PPP1R12B: variants seen among roughly 807,000 people sequenced by gnomAD.
PPP1R12B encodes the protein myosin phosphatase target subunit 2.
PPP1R12B carries 76 observed loss-of-function variants against 126.1 expected under a neutral mutation model. That is an observed-to-expected ratio of 0.60 (90% CI 0.50 to 0.73). The LOEUF (loss-of-function observed/expected upper bound fraction) is 0.73. Ranked by LOEUF, PPP1R12B falls within the 30% of genes least tolerant of loss-of-function variation. PPP1R12B has a pLI of 0.00. For missense variants in PPP1R12B, 1,052 were observed against 1,205.1 expected (o/e 0.87, Z 1.88); for synonymous variants, 356 against 434.7 (o/e 0.82, Z 2.25).
chr1:202,511,198 AG>A (rs1393670614), intron 18 of PPP1R12B, among the ~76,000 whole-genome samples: 1 of 150,610 alleles, frequency 6.6e-6, no homozygotes, highest in Non-Finnish European at 1.5e-5. Context: ...TCATGCAAGC[AG>A]TGTACACTGT....
At chr1:202,413,115 T>C (rs1247994048) in intron 1 of PPP1R12B, among the ~76,000 whole-genome samples, 2 of 151,774 alleles carry the variant, frequency 1.3e-5, no homozygotes, top group Non-Finnish European at 2.9e-5. Flanking sequence ...GCTATAAAAG[T>C]CAGATTGGCC....
At chr1:202,352,528 C>G (rs535953397) in intron 1 of PPP1R12B, among the ~76,000 whole-genome samples, 3 of 152,062 alleles carry the variant, frequency 2.0e-5, no homozygotes, top group African/African-American at 7.2e-5. Flanking sequence ...TCTCTTAGCA[C>G]GGTCTGATCA....
rs549369852 is a variant in PPP1R12B at position 202,534,479 on chromosome 1, A to G, written c.2491-24398A>G. On this transcript the variant is annotated intron_variant, in intron 18 of 23. Coordinates refer to ENST00000608999, the MANE Select transcript of PPP1R12B (RefSeq NM_002481.4). ...TATGGATGCATTTGCTTACATATAC[A>G]TGTACATTTACATCTTTATTTCTTT... Among the ~76,000 whole-genome samples the G allele has an allele frequency of 2.0e-5, 3 of 152,238 alleles. No homozygotes were observed. The East Asian group carries it at 5.8e-4, about 29-fold the overall frequency.
intron 1 of PPP1R12B, among the ~76,000 whole-genome samples, chr1:202,381,081 A>G (rs1273754546): frequency 6.6e-6 from 1 of 152,214 alleles, no homozygotes; most frequent in African/African-American, 2.4e-5. Flanking sequence ...CATTTCTCAT[A>G]TAAATGTGTC....
rs1357204927 is a variant in PPP1R12B at position 202,442,495 on chromosome 1, A to G, written c.1590A>G (p.Leu530=). ...LVRSGSYTRQ[L]WRDEAKGNEI... ...GGAGTGGCTCCTATACCCGGCAGCT[A>G]TGGAGGGATGAAGCAAAAGGAAATG... The change falls in exon 12 of 24, where the codon CTA becomes CTG. Residue 530 remains leucine (L), a synonymous_variant. Coordinates refer to ENST00000608999, the MANE Select transcript of PPP1R12B (RefSeq NM_002481.4). 5.0e-6 allele frequency: 8 copies of G among 1,613,666 alleles called. No homozygotes were observed. The highest frequency in any genetic ancestry group is 3.3e-4 in the Middle Eastern group (2 of 6,084).
intron 2 of PPP1R12B, among the ~76,000 whole-genome samples, chr1:202,418,190 C>T (rs1668329856): frequency 6.6e-6 from 1 of 152,204 alleles, no homozygotes. Flanking sequence ...TTAGTCTTAT[C>T]CAGTAACATC....
intron 18 of PPP1R12B, among the ~76,000 whole-genome samples, chr1:202,532,784 TA>T (rs1684096212): frequency 6.6e-6 from 1 of 151,600 alleles, no homozygotes; most frequent in Non-Finnish European, 1.5e-5. Context: ...GTTTTTTTTT[TA>T]AACACTGTTA....
intron 1 of PPP1R12B, among the ~76,000 whole-genome samples, chr1:202,373,187 C>A (rs1418699212): frequency 6.6e-6 from 1 of 152,122 alleles, no homozygotes; most frequent in Non-Finnish European, 1.5e-5. Flanking sequence ...CCTCCCTCCT[C>A]AGCCTCCCAA....
chr1:202,504,780 C>A (rs1024806522), intron 18 of PPP1R12B, among the ~76,000 whole-genome samples: 1 of 152,192 alleles, frequency 6.6e-6, no homozygotes, highest in African/African-American at 2.4e-5. Context: ...CCAGCTTAAC[C>A]ATTTAACTAC....
rs538647447 is a variant in PPP1R12B, at chr1:202,520,464, G to A, written c.2490+23642G>A. On this transcript the variant is annotated intron_variant, in intron 18 of 23. Transcript: ENST00000608999. ...AGTCTGATTCCATTTATGGGAAGCA[G>A]TGGTGGAGTTTGTACATAAGATTTA... Among the ~76,000 whole-genome samples the A allele has an allele frequency of 2.0e-5, 3 of 152,344 alleles. No homozygotes were observed. The South Asian group carries it at 6.2e-4, about 32-fold the overall frequency.
At chr1:202,506,670 A>G (rs1680834976) in intron 18 of PPP1R12B, among the ~76,000 whole-genome samples, 2 of 151,998 alleles carry the variant, frequency 1.3e-5, no homozygotes, top group Admixed American at 1.3e-4. Flanking sequence ...TGCTTTCAAG[A>G]TATTAGTTTG....
intron 10 of PPP1R12B, chr1:202,438,607 A>G (rs1671162721): frequency 8.1e-6 from 4 of 492,098 alleles, no homozygotes; most frequent in Non-Finnish European, 1.5e-5. Context: ...CCTCGCTGCC[A>G]TGGAGCCTGA....
At chr1:202,549,437 T>G (rs1459481181) in intron 18 of PPP1R12B, among the ~76,000 whole-genome samples, 53 of 151,336 alleles carry the variant, frequency 3.5e-4, no homozygotes, top group African/African-American at 1.2e-3. Flanking sequence ...TTTTTTTTTT[T>G]GAGACGGAGT....
intron 1 of PPP1R12B, among the ~76,000 whole-genome samples, chr1:202,353,852 A>G (rs551559621): frequency 3.9e-5 from 6 of 151,998 alleles, no homozygotes; most frequent in East Asian, 1.9e-4. Context: ...GGCTAAAACA[A>G]TCCTCCCCCC....
intron 19 of PPP1R12B, 92 bp from the exon 20 acceptor site, chr1:202,562,686 T>A (rs1388107604): frequency 7.2e-7 from 1 of 1,395,456 alleles, no homozygotes; most frequent in Non-Finnish European, 1.0e-6. Flanking sequence ...GAAATACTTC[T>A]TAGAAAAGGC....
chr1:202,506,070 T>C (rs1680769319), intron 18 of PPP1R12B, among the ~76,000 whole-genome samples: 2 of 152,158 alleles, frequency 1.3e-5, no homozygotes, highest in Non-Finnish European at 2.9e-5. Flanking sequence ...ATTTCTGCAA[T>C]TGATGACGAT....
intron 1 of PPP1R12B, among the ~76,000 whole-genome samples, chr1:202,377,033 C>A (rs1476685566): frequency 6.6e-6 from 1 of 152,082 alleles, no homozygotes; most frequent in Admixed American, 6.6e-5. Context: ...ATGTGTAGCC[C>A]AGGACGATTC....
chr1:202,365,747 G>A (rs905664469), intron 1 of PPP1R12B, among the ~76,000 whole-genome samples: 2 of 152,148 alleles, frequency 1.3e-5, no homozygotes, highest in Non-Finnish European at 2.9e-5. Context: ...CTTAGCACCT[G>A]TAATGACAGC....
chr1:202,422,444 C>T (rs1327751759), intron 2 of PPP1R12B, among the ~76,000 whole-genome samples, 176 bp from the exon 3 acceptor site: 2 of 152,112 alleles, frequency 1.3e-5, no homozygotes, highest in Non-Finnish European at 2.9e-5. Flanking sequence ...AATGGGGAAG[C>T]CTTCAGTCTT....
Sources: gnomAD v4.1 joint callset for allele counts (sites outside exome capture counted in the v4.1 genomes callset) on GRCh38, gnomAD v4.1.1 for gene constraint, MANE v1.5 for transcripts, NCBI Gene and HGNC (gene_info 2026-07-23, HGNC 2026-07-21) for gene names.